Variants in PARPBP observed in about 807,000 individuals in gnomAD.
PARPBP encodes PCNA-interacting partner.
PARPBP carries 52 observed loss-of-function variants against 50.0 expected under a neutral mutation model. The observed-to-expected ratio is 1.04, with a 90% CI of 0.83 to 1.31. The LOEUF (loss-of-function observed/expected upper bound fraction) is 1.31. Ranked by LOEUF, PARPBP falls within the 50% of genes most tolerant of loss-of-function variation. The probability of loss-of-function intolerance (pLI) is 0.00; values close to 1 mark genes in which losing one functional copy is unlikely to be tolerated. For missense variants in PARPBP, 697 were observed against 672.0 expected, an observed-to-expected ratio of 1.04 and a Z score of -0.41; for synonymous variants, 244 against 232.1, an observed-to-expected ratio of 1.05 and a Z score of -0.47.
In PARPBP at chr12:102,196,929, A is replaced by T; in HGVS notation, c.*638A>T. ...TCACTTTAACTCAGAGTTCTGTTTAATGGTGGTAGGATGTAAGAATTGAAT... is the reference window on the plus strand; with the variant it reads ...TCACTTTAACTCAGAGTTCTGTTTATTGGTGGTAGGATGTAAGAATTGAAT... On this transcript the variant is annotated 3_prime_UTR_variant, in exon 11 of 11. Transcript: ENST00000327680. 1 of 1,477,382 alleles carries T rather than the reference A, an allele frequency of 6.8e-7. No homozygotes were observed. Among genetic ancestry groups the T allele is most frequent in the Non-Finnish European group, 9.4e-7 (1 of 1,060,022 alleles). 91.5% of individuals were successfully genotyped at this position (1,477,382 alleles called of 1,614,324 possible). A position where few individuals can be genotyped will look rare whatever the true frequency, so the allele number is the denominator to read the frequency against.
chr12:102,189,454 T>C (rs1300513261), intron 9 of PARPBP, among the ~76,000 whole-genome samples: 1 of 152,248 alleles, frequency 6.6e-6, no homozygotes, highest in Non-Finnish European at 1.5e-5. Flanking sequence ...ATGTGGCCAC[T>C]GCATTTGAAG....
At chr12:102,123,759 T>C (rs1881519671) in intron 1 of PARPBP, 127 bp from the exon 2 acceptor site, 1 of 518,940 alleles carries the variant, frequency 1.9e-6, no homozygotes, top group South Asian at 3.7e-5. Flanking sequence ...AAAAGCAATC[T>C]TGGTAAATAT....
intron 4 of PARPBP, among the ~76,000 whole-genome samples, chr12:102,157,227 T>A (rs1887046588): frequency 6.6e-6 from 1 of 152,216 alleles, no homozygotes; most frequent in Non-Finnish European, 1.5e-5. Context: ...ATCTGATATT[T>A]TTTCTGTCCT....
intron 5 of PARPBP, 127 bp from the exon 6 acceptor site, chr12:102,165,602 T>C (rs2139638623): frequency 1.4e-6 from 1 of 696,412 alleles, no homozygotes; most frequent in South Asian, 1.8e-5. Flanking sequence ...AAGTGTGTCA[T>C]GAGCCATAAA....
intron 8 of PARPBP, among the ~76,000 whole-genome samples, chr12:102,180,528 C>A (rs1458268066): frequency 1.3e-5 from 2 of 152,228 alleles, no homozygotes; most frequent in East Asian, 1.9e-4. Flanking sequence ...CATAGTAAGA[C>A]TCTATCTCTG....
intron 2 of PARPBP, among the ~76,000 whole-genome samples, chr12:102,142,296 A>G (rs1884726756): frequency 6.6e-6 from 1 of 152,134 alleles, no homozygotes; most frequent in Non-Finnish European, 1.5e-5. Context: ...AAGCTTGTGC[A>G]TGCATCTCAT....
intron 3 of PARPBP, chr12:102,150,326 A>G (rs1294464133): frequency 6.6e-6 from 3 of 452,908 alleles, no homozygotes; most frequent in Admixed American, 2.4e-5. Flanking sequence ...ATTTCTCAAA[A>G]ATGCACTAAG....
chr12:102,176,156 G>A (rs529848540), intron 7 of PARPBP, among the ~76,000 whole-genome samples: 1 of 151,748 alleles, frequency 6.6e-6, no homozygotes, highest in Non-Finnish European at 1.5e-5. Flanking sequence ...CTAATTTTTT[G>A]TATTTTTAGT....
Position 102,178,670 on chromosome 12 carries a change from G to A in PARPBP, c.1084G>A (p.Glu362Lys), listed in dbSNP as rs779839262. Residue 362 changes from glutamate to lysine, a missense_variant, in exon 8 of 11, where the codon GAA (glutamate) becomes AAA (lysine). By Grantham distance (56) the Glu-to-Lys change is moderately conservative. Transcript: ENST00000327680. Reference protein sequence around the residue: ...TVKALLVLLDEEAANAPTKNK... With the variant: ...TVKALLVLLDKEAANAPTKNK... ...GAAAGCCTTATTAGTTCTTTTGGAC[G>A]AAGAAGCAGCTAATGCTCCTACCAA... is the stretch of plus-strand genomic sequence containing the variant. The A allele has an allele frequency of 1.4e-5, 22 of 1,613,188 alleles. No homozygotes were observed. Among genetic ancestry groups the A allele is most frequent in the Admixed American group, 6.7e-5 (4 of 59,938 alleles).
chr12:102,183,140 C>T (rs1403322789), intron 9 of PARPBP, among the ~76,000 whole-genome samples: 1 of 152,098 alleles, frequency 6.6e-6, no homozygotes, highest in African/African-American at 2.4e-5. Flanking sequence ...ACATCTGTGC[C>T]TATAAGTAAT....
At chr12:102,162,665 A>G (rs1239092549) in intron 4 of PARPBP, among the ~76,000 whole-genome samples, 2 of 152,060 alleles carry the variant, frequency 1.3e-5, no homozygotes, top group African/African-American at 4.8e-5. Context: ...TACAAAAAAT[A>G]AAAACGTTTT....
chr12:102,122,433 C>G (rs1881291915), intron 1 of PARPBP, among the ~76,000 whole-genome samples: 1 of 152,080 alleles, frequency 6.6e-6, no homozygotes, highest in African/African-American at 2.4e-5. Context: ...ATCTAGGATT[C>G]TGTTTATGCC....
intron 2 of PARPBP, among the ~76,000 whole-genome samples, chr12:102,127,069 A>G (rs1330873734): frequency 6.6e-6 from 1 of 152,102 alleles, no homozygotes; most frequent in African/African-American, 2.4e-5. Context: ...TACATGATAG[A>G]CACATTTTTA....
At chr12:102,138,125 T>A (rs1211491150) in intron 2 of PARPBP, among the ~76,000 whole-genome samples, 1 of 152,190 alleles carries the variant, frequency 6.6e-6, no homozygotes, top group Non-Finnish European at 1.5e-5. Context: ...CCACCAACAG[T>A]GTAAAAGTGT....
At chr12:102,166,378 C>T (rs58415082) in intron 6 of PARPBP, among the ~76,000 whole-genome samples, 39,440 of 151,640 alleles carry the variant, frequency 0.26, 5,278 homozygotes, top group East Asian at 0.42. Context: ...CTGATAGACC[C>T]CCATTTATAA....
rs567454093 is a variant in PARPBP, at chr12:102,181,304, A to G, written c.1185-1245A>G. On this transcript the variant is annotated intron_variant, in intron 8 of 10. Coordinates refer to ENST00000327680, the MANE Select transcript of PARPBP (RefSeq NM_017915.5). ...CAAACTATTAATATTTAGGATTCTC[A>G]GAATAGAAATAATGACACTTTTATA... Among the ~76,000 whole-genome samples, 38 of 152,270 alleles carry G rather than the reference A, an allele frequency of 2.5e-4. No homozygotes were observed. The South Asian group carries it at 7.1e-3, about 28-fold the overall frequency.
At chr12:102,152,830 T>C (rs774092587) in intron 3 of PARPBP, among the ~76,000 whole-genome samples, 4 of 147,024 alleles carry the variant, frequency 2.7e-5, no homozygotes, top group Non-Finnish European at 5.9e-5. Flanking sequence ...CAAAATTAGT[T>C]TCTTGAAAAT....
At chr12:102,134,153 G>A (rs116777390) in intron 2 of PARPBP, among the ~76,000 whole-genome samples, 3,863 of 143,754 alleles carry the variant, frequency 0.027, 143 homozygotes, top group African/African-American at 0.081. Context: ...CAATAGCAAA[G>A]ATCAATGAAG....
chr12:102,145,802 C>T (rs1280981184), intron 2 of PARPBP, among the ~76,000 whole-genome samples: 2 of 152,138 alleles, frequency 1.3e-5, no homozygotes, highest in African/African-American at 4.8e-5. Context: ...CTTTTTAGCA[C>T]TTGTTTGTTA....
Sources: allele counts gnomAD v4.1 joint callset (sites outside exome capture counted in the v4.1 genomes callset), GRCh38; gene constraint gnomAD v4.1.1; transcripts MANE v1.5; gene names NCBI Gene and HGNC (gene_info 2026-07-23, HGNC 2026-07-21).